The following PDE4B variants were observed in gnomAD, a reference collection of about 807,000 sequenced individuals.
PDE4B encodes the protein phosphodiesterase 4B, also known as 3',5'-cyclic-AMP phosphodiesterase 4B.
A neutral mutation model predicts 82.2 loss-of-function variants in PDE4B; 20 were observed. The observed-to-expected ratio is 0.24, with a 90% CI of 0.17 to 0.35. The LOEUF is 0.35. Among genes scored for constraint, PDE4B ranks in the 10% least tolerant of loss-of-function variants. The pLI, the probability that PDE4B is intolerant of heterozygous loss-of-function variation, is 1.00. For missense variants in PDE4B, 655 were observed against 907.2 expected, an observed-to-expected ratio of 0.72 and a Z score of 3.57; for synonymous variants, 320 against 318.9, an observed-to-expected ratio of 1.00 and a Z score of -0.04.
chr1:65,980,877 A>G (rs753893468), intron 3 of PDE4B, among the ~76,000 whole-genome samples: 2 of 152,328 alleles, frequency 1.3e-5, no homozygotes, highest in South Asian at 2.1e-4. Flanking sequence ...TAAAAAACAC[A>G]GTATCATTAG....
At chr1:66,360,943 A>T (rs1444311199) in intron 9 of PDE4B, among the ~76,000 whole-genome samples, 1 of 152,192 alleles carries the variant, frequency 6.6e-6, no homozygotes, top group Non-Finnish European at 1.5e-5. Context: ...GTTATTATTT[A>T]TTGGTAGAAT....
At chr1:66,321,445 G>T (rs2101891680) in intron 7 of PDE4B, among the ~76,000 whole-genome samples, 1 of 152,264 alleles carries the variant, frequency 6.6e-6, no homozygotes, top group Middle Eastern at 3.4e-3. Flanking sequence ...AAGTCATAAT[G>T]CCATCTTAGT....
chr1:66,117,479 C>T (rs146254216), intron 3 of PDE4B, among the ~76,000 whole-genome samples: 2 of 152,164 alleles, frequency 1.3e-5, no homozygotes, highest in Admixed American at 6.5e-5. Flanking sequence ...ACTTTTAATA[C>T]TGGTGGATAT....
intron 3 of PDE4B, among the ~76,000 whole-genome samples, chr1:66,189,998 A>G (rs1211961643): frequency 6.6e-6 from 1 of 152,124 alleles, no homozygotes; most frequent in East Asian, 1.9e-4. Context: ...ATGGTGATGA[A>G]GAAATGGGGT....
chr1:65,811,814 A>G (rs1645824818), intron 1 of PDE4B, among the ~76,000 whole-genome samples: 1 of 152,156 alleles, frequency 6.6e-6, no homozygotes, highest in Non-Finnish European at 1.5e-5. Context: ...ATTTACATAT[A>G]CTTTTATTTC....
intron 13 of PDE4B, chr1:66,367,359 A>C (rs572185718): frequency 5.8e-6 from 1 of 172,430 alleles, no homozygotes; most frequent in African/African-American, 2.4e-5. Flanking sequence ...CAAAGTACAA[A>C]ATTTTTGAAG....
At chr1:66,195,140 T>C (rs1648179574) in intron 3 of PDE4B, among the ~76,000 whole-genome samples, 1 of 152,132 alleles carries the variant, frequency 6.6e-6, no homozygotes. Context: ...GTTTAATGCT[T>C]AGACTCTTTT....
intron 1 of PDE4B, among the ~76,000 whole-genome samples, chr1:65,866,786 TA>T (rs1646516619): frequency 6.6e-6 from 1 of 152,144 alleles, no homozygotes; most frequent in African/African-American, 2.4e-5. Context: ...AACACATAAC[TA>T]AAAGAGTAAA....
intron 3 of PDE4B, among the ~76,000 whole-genome samples, chr1:66,121,667 G>T (rs923166126): frequency 6.6e-6 from 1 of 152,132 alleles, no homozygotes; most frequent in Non-Finnish European, 1.5e-5. Context: ...ATTCTTGTAT[G>T]AGTAGCAATT....
chr1:65,897,164 C>T lies in PDE4B; in HGVS notation c.-70-16081C>T, dbSNP rs374190985. On this transcript the variant is annotated intron_variant, in intron 1 of 16. Transcript: ENST00000341517. ...ATAAATAAGAACACAGTTTCAGAAG[C>T]GTCAAATAAATTGCTGAATGTTCCA... 9.9e-5 allele frequency among the ~76,000 whole-genome samples: 15 copies of T among 152,182 alleles called. No homozygotes were observed. In the East Asian group the frequency reaches 2.1e-3, roughly 22 times the overall value.
At chr1:66,040,729 A>G (rs1654320156) in intron 3 of PDE4B, among the ~76,000 whole-genome samples, 1 of 150,032 alleles carries the variant, frequency 6.7e-6, no homozygotes, top group South Asian at 2.1e-4. Context: ...TCAGGAAATT[A>G]AGTTTTTGAT....
chr1:66,274,817 T>A (rs1655759895), intron 7 of PDE4B, among the ~76,000 whole-genome samples: 1 of 152,234 alleles, frequency 6.6e-6, no homozygotes. Flanking sequence ...GTGTGGTAGC[T>A]AAGATCCCAG....
chr1:66,158,797 G>T (rs1646552549), intron 3 of PDE4B, among the ~76,000 whole-genome samples: 1 of 152,156 alleles, frequency 6.6e-6, no homozygotes, highest in African/African-American at 2.4e-5. Flanking sequence ...TGGCAACGTG[G>T]TTGAACTTGG....
chr1:66,371,820 C>T (rs534841872), intron 16 of PDE4B, among the ~76,000 whole-genome samples: 19 of 152,312 alleles, frequency 1.2e-4, no homozygotes, highest in African/African-American at 4.3e-4. Flanking sequence ...AGTCAAAACA[C>T]GTTAGACCTG....
At chr1:66,305,035 C>A (rs1658170873) in intron 7 of PDE4B, among the ~76,000 whole-genome samples, 1 of 152,108 alleles carries the variant, frequency 6.6e-6, no homozygotes, top group Admixed American at 6.6e-5. Flanking sequence ...CAGAAGATGA[C>A]ACTCTAATGA....
At chr1:65,843,534 A>G (rs1557774831) in intron 1 of PDE4B, among the ~76,000 whole-genome samples, 1 of 152,188 alleles carries the variant, frequency 6.6e-6, no homozygotes, top group Non-Finnish European at 1.5e-5. Context: ...TTTCCTACCT[A>G]TGGGACATGG....
chr1:65,975,077 C>T (rs995445097), intron 3 of PDE4B, among the ~76,000 whole-genome samples: 1 of 152,214 alleles, frequency 6.6e-6, no homozygotes, highest in African/African-American at 2.4e-5. Flanking sequence ...AAGTGTTGAA[C>T]TTCCTAGAGA....
chr1:66,325,538 G>C (rs752471898), intron 7 of PDE4B, among the ~76,000 whole-genome samples: 2 of 152,226 alleles, frequency 1.3e-5, no homozygotes, highest in South Asian at 4.1e-4. Context: ...CCACTGACCT[G>C]GTATGTCAGT....
intron 1 of PDE4B, among the ~76,000 whole-genome samples, chr1:65,865,956 G>A (rs1001293795): frequency 2.6e-5 from 4 of 152,128 alleles, no homozygotes; most frequent in Non-Finnish European, 4.4e-5. Context: ...GATCCTGTGT[G>A]AATTGTAGCT....
Sources: gnomAD v4.1 joint callset for allele counts (sites outside exome capture counted in the v4.1 genomes callset) on GRCh38, gnomAD v4.1.1 for gene constraint, MANE v1.5 for transcripts, NCBI Gene and HGNC (gene_info 2026-07-23, HGNC 2026-07-21) for gene names.